IKZF3: variants seen among roughly 807,000 people sequenced by gnomAD.
The protein encoded by IKZF3 is zinc finger protein Aiolos.
IKZF3 carries 10 observed loss-of-function variants against 49.0 expected under a neutral mutation model. That is an observed-to-expected ratio of 0.20 (90% CI 0.13 to 0.35). The LOEUF (loss-of-function observed/expected upper bound fraction) is 0.35. Among genes scored for constraint, IKZF3 ranks in the 10% least tolerant of loss-of-function variants. IKZF3 has a pLI of 1.00. For missense variants in IKZF3, 498 were observed against 664.8 expected, an observed-to-expected ratio of 0.75 and a Z score of 2.76; for synonymous variants, 209 against 228.2, an observed-to-expected ratio of 0.92 and a Z score of 0.76.
At chr17:39,848,515 T>G (rs1400645203) in intron 1 of IKZF3, among the ~76,000 whole-genome samples, 1 of 152,248 alleles carries the variant, frequency 6.6e-6, no homozygotes, top group Non-Finnish European at 1.5e-5. Flanking sequence ...AATGAAGACT[T>G]GTTTTATAAC....
chr17:39,766,091 C>T lies in IKZF3; in HGVS notation c.1229G>A (p.Arg410Gln), dbSNP rs1318581968. ...IYQQNHMVLS[R>Q]ARNGMPLLKE... ...CAGAAGTGGCATCCCATTGCGGGCCCGAGACAGGACCATGTGATTTTGCTG... is the reference window on the plus strand; with the variant it reads ...CAGAAGTGGCATCCCATTGCGGGCCTGAGACAGGACCATGTGATTTTGCTG... The change falls in exon 8 of 8, where the codon CGG (arginine) becomes CAG (glutamine). Residue 410 changes from arginine to glutamine, a missense_variant. Around this residue, in one of 3 missense-constraint regions of IKZF3, gnomAD observed 317 missense variants for 397.3 expected, o/e 0.80. Coordinates refer to ENST00000346872, the MANE Select transcript of IKZF3 (RefSeq NM_012481.5). 8 of 1,614,100 alleles carry T rather than the reference C, an allele frequency of 5.0e-6. No individual in the cohort carries two copies. The highest frequency in any genetic ancestry group is 1.7e-5 in the Admixed American group (1 of 60,006).
At chr17:39,835,215 C>T in intron 1 of IKZF3, 1 of 522,232 alleles carries the variant, frequency 1.9e-6, no homozygotes, top group South Asian at 1.5e-5. Flanking sequence ...CTTCAGCTGG[C>T]TCTCCTTGCC....
At chr17:39,853,188 A>G (rs12950066) in intron 1 of IKZF3, among the ~76,000 whole-genome samples, 4,060 of 152,140 alleles carry the variant, frequency 0.027, 191 homozygotes, top group African/African-American at 0.093. Flanking sequence ...TTACCTTACC[A>G]AATTCCATAA....
At chr17:39,816,810 C>A (rs147326862) in intron 3 of IKZF3, among the ~76,000 whole-genome samples, 1 of 152,336 alleles carries the variant, frequency 6.6e-6, no homozygotes, top group African/African-American at 2.4e-5. Context: ...GCCTCCCAGG[C>A]TCAGAAGATT....
chr17:39,792,878 C>T lies in IKZF3; in HGVS notation c.219G>A (p.Lys73=), dbSNP rs777722016. Residue 73 remains lysine, a synonymous_variant, in exon 4 of 8, where the codon AAG becomes AAA. Coordinates refer to ENST00000346872, the MANE Select transcript of IKZF3 (RefSeq NM_012481.5). ...EYSERDENVL[K]SEPMGNAEEP... is the part of the protein sequence containing the mutation. ...CTTCTGCATTTCCCATGGGTTCTGACTTTAAAACATTCTCATCTCTTTCAC... is the reference window on the plus strand; with the variant it reads ...CTTCTGCATTTCCCATGGGTTCTGATTTTAAAACATTCTCATCTCTTTCAC... 6.2e-7 allele frequency: 1 copy of T among 1,614,006 alleles called. No homozygotes were observed. Among genetic ancestry groups the T allele is most frequent in the Non-Finnish European group, 8.5e-7 (1 of 1,179,928 alleles).
At chr17:39,856,987 G>A (rs1242842995) in intron 1 of IKZF3, among the ~76,000 whole-genome samples, 2 of 151,948 alleles carry the variant, frequency 1.3e-5, no homozygotes, top group African/African-American at 4.8e-5. Context: ...TTTAAAGTCT[G>A]GAATTTTATG....
chr17:39,788,599 C>T (rs1445869602), intron 5 of IKZF3, among the ~76,000 whole-genome samples: 1 of 152,192 alleles, frequency 6.6e-6, no homozygotes, highest in African/African-American at 2.4e-5. Flanking sequence ...CCTCCTATCA[C>T]AAATGGAAGA....
At chr17:39,777,103 T>C (rs1378118822) in intron 7 of IKZF3, among the ~76,000 whole-genome samples, 2 of 152,204 alleles carry the variant, frequency 1.3e-5, no homozygotes, top group African/African-American at 2.4e-5. Context: ...TTTTTGACAA[T>C]GTGAAAACCA....
rs1353002547 is a variant in IKZF3 at position 39,762,921 on chromosome 17, T to C, written c.*2869A>G. ...GAAAACAAAAAAAGTTGGTCTCCTC[T>C]GCAAAGACTTGAACACTAATCTGGT... On this transcript the variant is annotated 3_prime_UTR_variant, in exon 8 of 8. Transcript: ENST00000346872. 1 of 152,154 alleles carries C rather than the reference T, an allele frequency of 6.6e-6. No homozygotes were observed. The highest frequency in any genetic ancestry group is 1.5e-5 in the Non-Finnish European group (1 of 68,022). The allele number at this position is 152,154 out of a possible 1,614,324, so 9.4% of individuals were successfully genotyped here.
intron 1 of IKZF3, among the ~76,000 whole-genome samples, chr17:39,840,383 G>A (rs147978344): frequency 6.6e-5 from 10 of 152,250 alleles, no homozygotes; most frequent in African/African-American, 2.4e-4. Flanking sequence ...CCATAAAACA[G>A]GCTGCTTTTG....
At chr17:39,831,036 A>T (rs1598144086) in intron 2 of IKZF3, among the ~76,000 whole-genome samples, 1 of 152,216 alleles carries the variant, frequency 6.6e-6, no homozygotes, top group Non-Finnish European at 1.5e-5. Flanking sequence ...GCCTGAAATG[A>T]CTAAAATATA....
chr17:39,789,141 A>G (rs774688350), intron 5 of IKZF3, among the ~76,000 whole-genome samples: 31 of 152,138 alleles, frequency 2.0e-4, no homozygotes, highest in Non-Finnish European at 3.4e-4. Context: ...TAATAGAAAT[A>G]AAAATAGGCC....
rs141018800 is a variant in IKZF3, at chr17:39,766,339, C to A, written c.981G>T (p.Pro327=). The A allele has an allele frequency of 1.2e-6, 2 of 1,614,154 alleles. No homozygotes were observed. Among genetic ancestry groups the A allele is most frequent in the Non-Finnish European group, 1.7e-6 (2 of 1,180,040 alleles). Residue 327 remains proline (P), a synonymous_variant, in exon 8 of 8, where the codon CCG becomes CCT. Transcript: ENST00000346872. ...GAACCATCTCCGAGGTGGGAGCAGGCGGTGTCTGGACCAAGGGGCGCAGGG... is the reference window on the plus strand; with the variant it reads ...GAACCATCTCCGAGGTGGGAGCAGGAGGTGTCTGGACCAAGGGGCGCAGGG... The part of the protein sequence containing the change: ...AEALRPLVQT[P]PAPTSEMVPV...
chr17:39,827,691 C>G (rs1046090836), intron 3 of IKZF3, among the ~76,000 whole-genome samples: 3 of 152,102 alleles, frequency 2.0e-5, no homozygotes, highest in Non-Finnish European at 4.4e-5. Flanking sequence ...GTCAGTACCA[C>G]GAAAGAACCA....
At chr17:39,853,365 T>G (rs964460946) in intron 1 of IKZF3, among the ~76,000 whole-genome samples, 1 of 152,216 alleles carries the variant, frequency 6.6e-6, no homozygotes, top group Non-Finnish European at 1.5e-5. Context: ...AATTAAACTT[T>G]ATAAAACTGT....
At chr17:39,828,217 G>A (rs1568030527) in intron 3 of IKZF3, among the ~76,000 whole-genome samples, 1 of 152,214 alleles carries the variant, frequency 6.6e-6, no homozygotes, top group Non-Finnish European at 1.5e-5. Flanking sequence ...GAGGCAGGCT[G>A]TGCCTTTACC....
intron 3 of IKZF3, among the ~76,000 whole-genome samples, chr17:39,803,697 G>C (rs2061372774): frequency 6.6e-6 from 1 of 152,022 alleles, no homozygotes; most frequent in South Asian, 2.1e-4. Context: ...ATTTTTAGTA[G>C]AGGCAGGGTT....
chr17:39,791,937 A>G (rs1053742565), intron 4 of IKZF3, among the ~76,000 whole-genome samples: 17 of 132,532 alleles, frequency 1.3e-4, no homozygotes, highest in African/African-American at 5.0e-4. Flanking sequence ...TCTGTTGCTC[A>G]GGCTGGAGTG....
intron 1 of IKZF3, among the ~76,000 whole-genome samples, chr17:39,838,723 C>T (rs2062376692): frequency 6.6e-6 from 1 of 152,100 alleles, no homozygotes; most frequent in South Asian, 2.1e-4. Flanking sequence ...GTCATATTTT[C>T]CTGCTTCTTC....
Sources: gnomAD v4.1 joint callset for allele counts (sites outside exome capture counted in the v4.1 genomes callset) on GRCh38, gnomAD v4.1.1 for gene constraint, gnomAD v4.1.1 regional missense constraint, MANE v1.5 for transcripts, NCBI Gene and HGNC (gene_info 2026-07-23, HGNC 2026-07-21) for gene names.